GRB10: variants seen among roughly 807,000 people sequenced by gnomAD.
GRB10 encodes the protein growth factor receptor bound protein 10.
A neutral mutation model predicts 80.9 loss-of-function variants in GRB10; 20 were observed. That is an observed-to-expected ratio of 0.25 (90% CI 0.17 to 0.36). The LOEUF (loss-of-function observed/expected upper bound fraction) is 0.36, where lower values mean the gene tolerates loss of function less well. GRB10 is among the 10% of genes least tolerant of loss of function. The pLI is 1.00. For missense variants in GRB10, 548 were observed against 747.7 expected (o/e 0.73, Z 3.12); for synonymous variants, 291 against 291.5 (o/e 1.00, Z 0.02).
chr7:50,747,120 A>G (rs992990812), intron 3 of GRB10, among the ~76,000 whole-genome samples: 1 of 152,102 alleles, frequency 6.6e-6, no homozygotes, highest in African/African-American at 2.4e-5. Flanking sequence ...CTCTAAACTT[A>G]TTTGAATCAT....
In GRB10 at chr7:50,612,951, C is replaced by T. The variant is rs1238903848; in HGVS notation, c.1096-112G>A. ...CCAGAGACAACCAGCTGGAGATCCC[C>T]CTAGCAAGGAGCACAGCAGATACAC... is the stretch of plus-strand genomic sequence containing the variant. On this transcript the variant is annotated intron_variant, in intron 12 of 18. Transcript: ENST00000401949. 3 of 736,784 alleles carry T rather than the reference C, an allele frequency of 4.1e-6. No homozygotes were observed. In the East Asian group the frequency reaches 8.0e-5, roughly 20 times the overall value. 45.6% of individuals were successfully genotyped at this position (736,784 alleles called of 1,614,324 possible).
At chr7:50,789,350 C>T (rs1378493332) in intron 1 of GRB10, among the ~76,000 whole-genome samples, 2 of 152,368 alleles carry the variant, frequency 1.3e-5, no homozygotes, top group African/African-American at 2.4e-5. Flanking sequence ...GCCACAAAGA[C>T]TGCATGAGCT....
At chr7:50,792,482 G>C (rs1231220643) in intron 1 of GRB10, 1 of 398,412 alleles carries the variant, frequency 2.5e-6, no homozygotes, top group East Asian at 3.6e-5. Flanking sequence ...CAGTCGTCAG[G>C]CAGGCGTTTG....
chr7:50,753,028 G>A (rs1171466126), intron 3 of GRB10, among the ~76,000 whole-genome samples: 6 of 152,176 alleles, frequency 3.9e-5, no homozygotes, highest in Non-Finnish European at 8.8e-5. Flanking sequence ...AACAAACAGG[G>A]CTGGCTCTTA....
intron 13 of GRB10, chr7:50,607,118 G>A (rs896952510): frequency 1.3e-5 from 2 of 153,022 alleles, no homozygotes; most frequent in Non-Finnish European, 1.5e-5. Context: ...GCAACACAAG[G>A]TGGGTTTCTA....
At chr7:50,681,867 T>C (rs568388597) in intron 5 of GRB10, among the ~76,000 whole-genome samples, 15 of 152,368 alleles carry the variant, frequency 9.8e-5, no homozygotes, top group African/African-American at 3.1e-4. Context: ...CTTCTGCGCC[T>C]GGTAGGAGTT....
chr7:50,621,104 G>A (rs916343934), intron 8 of GRB10, among the ~76,000 whole-genome samples: 1 of 152,232 alleles, frequency 6.6e-6, no homozygotes, highest in African/African-American at 2.4e-5. Context: ...CAAAGAGGAT[G>A]CCTGGGGCAG....
At chr7:50,604,251 A>AG (rs2048120157) in intron 16 of GRB10, 60 bp downstream of exon 16, 2 of 1,423,526 alleles carry the variant, frequency 1.4e-6, no homozygotes, top group Non-Finnish European at 2.0e-6. Flanking sequence ...GGGGGAGTGG[A>AG]GGGGGGTGCT....
intron 7 of GRB10, chr7:50,645,659 G>C: frequency 1.0e-6 from 1 of 984,374 alleles, no homozygotes. Flanking sequence ...AGATCTGAAA[G>C]CAAACGCCGT....
At chr7:50,619,447 T>C (rs1448949159) in intron 8 of GRB10, among the ~76,000 whole-genome samples, 162 bp from the exon 9 acceptor site, 1 of 152,220 alleles carries the variant, frequency 6.6e-6, no homozygotes, top group African/African-American at 2.4e-5. Context: ...TTTAATGCAT[T>C]ACCAAATGCA....
intron 4 of GRB10, chr7:50,711,061 A>T: frequency 1.4e-6 from 1 of 698,776 alleles, no homozygotes; most frequent in Non-Finnish European, 2.6e-6. Context: ...CACAGAGAGC[A>T]GAATGACAGG....
At chr7:50,723,160 C>CT (rs1488756496) in intron 4 of GRB10, among the ~76,000 whole-genome samples, 1 of 151,874 alleles carries the variant, frequency 6.6e-6, no homozygotes, top group Non-Finnish European at 1.5e-5. Context: ...TACCAAGTAG[C>CT]TTTTTTTTCT....
chr7:50,662,412 C>T (rs1288458942), intron 7 of GRB10, among the ~76,000 whole-genome samples: 2 of 152,230 alleles, frequency 1.3e-5, no homozygotes, highest in Non-Finnish European at 2.9e-5. Flanking sequence ...CCTCCACTGC[C>T]TGCACAAATC....
chr7:50,666,002 G>A (rs1424994715), intron 7 of GRB10, among the ~76,000 whole-genome samples: 1 of 152,178 alleles, frequency 6.6e-6, no homozygotes, highest in Non-Finnish European at 1.5e-5. Context: ...GCCAATGCAG[G>A]GTCACGAAGC....
At chr7:50,598,027 C>A (rs559301712) in intron 17 of GRB10, among the ~76,000 whole-genome samples, 62 of 152,288 alleles carry the variant, frequency 4.1e-4, no homozygotes, top group African/African-American at 1.5e-3. Flanking sequence ...CCACACCCAG[C>A]TAATTCTTAC....
intron 13 of GRB10, among the ~76,000 whole-genome samples, chr7:50,611,684 T>G (rs1343680651): frequency 1.3e-5 from 2 of 152,186 alleles, no homozygotes; most frequent in African/African-American, 2.4e-5. Context: ...AGGACTACAT[T>G]CAGAATTGGA....
At position 50,606,237 on chromosome 7, in the gene GRB10, A is replaced by G. The variant is rs1247567128; in HGVS notation, c.1272+100T>C. 4 of 957,836 alleles carry G rather than the reference A, an allele frequency of 4.2e-6. No homozygotes were observed. The African/African-American group carries it at 4.8e-5, about 12-fold the overall frequency. 59.3% of individuals were successfully genotyped at this position (957,836 alleles called of 1,614,324 possible). ...CCTGAAATGCACACACACTCTCCAG[A>G]GCTTCTCTTGCCCACCCTGTGTGAA... On this transcript the variant is annotated intron_variant, in intron 14 of 18. Coordinates refer to ENST00000401949, the MANE Select transcript of GRB10 (RefSeq NM_001350814.2).
At chr7:50,676,338 G>GGGGGGGGGGGGGGC (rs2060934598) in intron 5 of GRB10, among the ~76,000 whole-genome samples, 2 of 55,944 alleles carry the variant, frequency 3.6e-5, no homozygotes, top group Non-Finnish European at 3.0e-5. Context: ...ACCCCACCGG[G>GGGGGGGGGGGGGGC]GGGGGGGGGG....
chr7:50,635,267 G>A (rs944397773), intron 7 of GRB10, among the ~76,000 whole-genome samples: 5 of 152,062 alleles, frequency 3.3e-5, no homozygotes, highest in Non-Finnish European at 7.4e-5. Flanking sequence ...ACTAAAAAAC[G>A]TGCTCCTGAA....
Sources: gnomAD v4.1 joint callset for allele counts (sites outside exome capture counted in the v4.1 genomes callset) on GRCh38, gnomAD v4.1.1 for gene constraint, MANE v1.5 for transcripts, NCBI Gene and HGNC (gene_info 2026-07-23, HGNC 2026-07-21) for gene names.